The following ZC4H2 variants were observed in gnomAD, a reference collection of about 807,000 sequenced individuals.
ZC4H2 encodes zinc finger C4H2-type containing, also known as zinc finger C4H2 domain-containing protein.
For missense variants in ZC4H2, 137 were observed against 173.9 expected, an observed-to-expected ratio of 0.79 and a Z score of 1.19; for synonymous variants, 84 against 66.3, an observed-to-expected ratio of 1.27 and a Z score of -1.30.
At chrX:64,980,276 C>T (rs1274898019), upstream of ZC4H2, among the ~76,000 whole-genome samples, 1 of 111,707 alleles carries the variant, frequency 9.0e-6, no homozygotes, top group Non-Finnish European at 1.9e-5. Context: ...ACCAAGCTTA[C>T]CATTTAGTGA....
chrX:65,012,524 C>T (rs1932765793), intron 1 of ZC4H2, among the ~76,000 whole-genome samples: 1 of 111,461 alleles, frequency 9.0e-6, no homozygotes, highest in African/African-American at 3.3e-5. Context: ...TCTTGTACTA[C>T]ATAATCTTAC....
At chrX:64,983,061 C>T (rs1932114642) in intron 1 of ZC4H2, among the ~76,000 whole-genome samples, 1 of 111,289 alleles carries the variant, frequency 9.0e-6, no homozygotes, top group Non-Finnish European at 1.9e-5. Flanking sequence ...CCCAGCTTGA[C>T]TTCCCAGATA....
chrX:65,023,478 T>A (rs895984302), intron 1 of ZC4H2, among the ~76,000 whole-genome samples: 2 of 111,969 alleles, frequency 1.8e-5, no homozygotes, highest in Admixed American at 9.5e-5. Context: ...AAAGAAGACA[T>A]TTATGCAGCC....
At chrX:64,955,460 G>A (rs111528056) in intron 1 of ZC4H2, among the ~76,000 whole-genome samples, 2,010 of 111,316 alleles carry the variant, frequency 0.018, 55 homozygotes, top group African/African-American at 0.063. Flanking sequence ...GAGAAAGGCT[G>A]TATTTGCCAT....
At chrX:65,023,703 C>T (rs954452748) in intron 1 of ZC4H2, among the ~76,000 whole-genome samples, 1 of 111,384 alleles carries the variant, frequency 9.0e-6, no homozygotes, top group East Asian at 2.8e-4. Context: ...TATGGTGATT[C>T]CTCAAGGATC....
At chrX:65,014,197 G>GT (rs1191981203) in intron 1 of ZC4H2, among the ~76,000 whole-genome samples, 1 of 111,145 alleles carries the variant, frequency 9.0e-6, no homozygotes. Flanking sequence ...AATAATACTT[G>GT]TATGTATAGC....
intron 1 of ZC4H2, among the ~76,000 whole-genome samples, chrX:64,971,657 T>C (rs1252924031): frequency 9.0e-6 from 1 of 111,459 alleles, no homozygotes; most frequent in African/African-American, 3.3e-5. Context: ...TAGGCTGTCA[T>C]ATGTATGGGC....
At chrX:65,016,202 G>A (rs1160781168) in intron 1 of ZC4H2, among the ~76,000 whole-genome samples, 1 of 111,124 alleles carries the variant, frequency 9.0e-6, no homozygotes, top group Non-Finnish European at 1.9e-5. Context: ...CCAGCTTCAG[G>A]TGAGATACTA....
chrX:65,031,751 A>G (rs1932936318), intron 1 of ZC4H2, among the ~76,000 whole-genome samples: 1 of 111,695 alleles, frequency 9.0e-6, no homozygotes, highest in Admixed American at 9.5e-5. Context: ...TTTGAAATGT[A>G]AAGACATGTC....
intron 1 of ZC4H2, among the ~76,000 whole-genome samples, chrX:64,954,430 A>T (rs1195909418): frequency 1.1e-5 from 1 of 90,176 alleles, no homozygotes; most frequent in Non-Finnish European, 2.1e-5. Context: ...GGATTTCAAA[A>T]TTTCTAATAT....
intron 2 of ZC4H2, among the ~76,000 whole-genome samples, chrX:64,920,935 T>C (rs1929169759): frequency 8.9e-6 from 1 of 112,645 alleles, no homozygotes; most frequent in African/African-American, 3.2e-5. Flanking sequence ...TTAGCCCTTC[T>C]GGCAAATATC....
At chrX:64,918,208 G>A (rs1395314012) in intron 4 of ZC4H2, 2 of 170,994 alleles carry the variant, frequency 1.2e-5, no homozygotes, top group Non-Finnish European at 2.2e-5. Flanking sequence ...TAATTTTCTA[G>A]AACAGGGGTC....
intron 1 of ZC4H2, among the ~76,000 whole-genome samples, chrX:64,987,196 G>A (rs59437600): frequency 0.083 from 9,131 of 109,906 alleles, 1,026 homozygotes; most frequent in African/African-American, 0.29. Flanking sequence ...CCAAAGTGCT[G>A]GGATTACAGG....
chrX:64,999,207 C>G (rs768229188), intron 1 of ZC4H2, among the ~76,000 whole-genome samples: 2 of 110,813 alleles, frequency 1.8e-5, no homozygotes, highest in African/African-American at 6.6e-5. Context: ...ACGCAGAAGG[C>G]GGGAGATTTC....
At chrX:64,968,506 G>C (rs934728113) in intron 1 of ZC4H2, among the ~76,000 whole-genome samples, 4 of 111,825 alleles carry the variant, frequency 3.6e-5, no homozygotes, top group African/African-American at 1.3e-4. Context: ...GTAGGACTCA[G>C]TGTAGCCTTG....
chrX:65,008,132 A>G (rs1369123076), intron 1 of ZC4H2, among the ~76,000 whole-genome samples: 3 of 112,194 alleles, frequency 2.7e-5, no homozygotes, highest in Non-Finnish European at 5.6e-5. Context: ...ACAACAACAA[A>G]TAATCTGATT....
At chrX:64,929,266 A>G (rs1569204569) in intron 1 of ZC4H2, among the ~76,000 whole-genome samples, 1 of 110,948 alleles carries the variant, frequency 9.0e-6, no homozygotes. Flanking sequence ...GATTCTGGGT[A>G]TTAGTCCTTT....
At chrX:64,931,373 ATTTCT>A in intron 1 of ZC4H2, among the ~76,000 whole-genome samples, 1 of 109,999 alleles carries the variant, frequency 9.1e-6, no homozygotes, top group Admixed American at 9.7e-5. Context: ...TGATCTTGTT[ATTTCT>A]TTTCTTCTGC....
chrX:65,012,759 C>T (rs1470595743), intron 1 of ZC4H2, among the ~76,000 whole-genome samples: 1 of 111,285 alleles, frequency 9.0e-6, no homozygotes, highest in Non-Finnish European at 1.9e-5. Flanking sequence ...AGGGGGTTAT[C>T]AATGTTGATA....
Sources: gnomAD v4.1 joint callset for allele counts (sites outside exome capture counted in the v4.1 genomes callset) on GRCh38, gnomAD v4.1.1 for gene constraint, MANE v1.5 for transcripts, NCBI Gene and HGNC (gene_info 2026-07-23, HGNC 2026-07-21) for gene names.